The following CNP variants were observed in gnomAD, a reference collection of about 807,000 sequenced individuals.
CNP encodes 2',3'-cyclic nucleotide 3' phosphodiesterase, also known as 2',3'-cyclic-nucleotide 3'-phosphodiesterase.
CNP carries 8 observed loss-of-function variants against 37.9 expected under a neutral mutation model. The ratio of observed to expected loss-of-function variants is 0.21; its 90% CI spans 0.12 to 0.38. The LOEUF is 0.38. Ranked by LOEUF, CNP falls within the 10% of genes least tolerant of loss-of-function variation. The pLI, the probability that CNP is intolerant of heterozygous loss-of-function variation, is 1.00. For missense variants in CNP, 457 were observed against 551.0 expected, an observed-to-expected ratio of 0.83 and a Z score of 1.71; for synonymous variants, 237 against 238.3, an observed-to-expected ratio of 0.99 and a Z score of 0.05.
At chr17:41,969,402 T>C (rs1186651699) in intron 2 of CNP, among the ~76,000 whole-genome samples, 6 of 152,184 alleles carry the variant, frequency 3.9e-5, no homozygotes, top group African/African-American at 1.2e-4. Flanking sequence ...CTGGCCACTC[T>C]AGCAGGGTTC....
chr17:41,967,975 G>A (rs1000096123), intron 1 of CNP, 93 bp from the exon 2 acceptor site: 3 of 1,523,462 alleles, frequency 2.0e-6, no homozygotes, highest in African/African-American at 1.4e-5. Flanking sequence ...CCCCGCTTGG[G>A]AAGGCACCCA....
At chr17:41,970,898 C>G (rs183712205) in intron 2 of CNP, 15 of 152,222 alleles carry the variant, frequency 9.9e-5, no homozygotes, top group African/African-American at 3.1e-4. Context: ...AGATACTCCA[C>G]TCCTCTTTGT....
intron 2 of CNP, chr17:41,970,938 A>G (rs2050977938): frequency 6.6e-6 from 1 of 152,222 alleles, no homozygotes; most frequent in African/African-American, 2.4e-5. Flanking sequence ...TCACCCCATT[A>G]TAGTCCAAGA....
chr17:41,968,813 G>A lies in CNP; in HGVS notation c.676+73G>A. 1 of 1,459,106 alleles carries A rather than the reference G, an allele frequency of 6.9e-7. No homozygotes were observed. Among genetic ancestry groups the A allele is most frequent in the Admixed American group, 2.4e-5 (1 of 41,114 alleles). 90.4% of individuals were successfully genotyped at this position (1,459,106 alleles called of 1,614,324 possible). A position where few individuals can be genotyped will look rare whatever the true frequency, so the allele number is the denominator to read the frequency against. ...GTGCTGCGGGCAAAGGACCATCATT[G>A]TACTCAAAGGATGGAGCACGAAGCA... On this transcript the variant is annotated intron_variant, in intron 2 of 3. Transcript: ENST00000393892. The surrounding 1 kb of genome is among the most constrained non-coding windows in gnomAD (Gnocchi z 4.8).
chr17:41,971,397 CTTTTT>C (rs567987798), intron 2 of CNP: 4 of 139,038 alleles, frequency 2.9e-5, no homozygotes, highest in Admixed American at 7.3e-5. Flanking sequence ...AGAATTTTAA[CTTTTT>C]TTTTTTTTTT....
rs1167661737 is a variant in CNP, at chr17:41,976,552, G to C, written c.*2628G>C. 3.1e-6 allele frequency: 2 copies of C among 647,064 alleles called. No homozygotes were observed. The highest frequency in any genetic ancestry group is 4.9e-6 in the Non-Finnish European group (2 of 404,918). 40.1% of individuals were successfully genotyped at this position (647,064 alleles called of 1,614,324 possible). On this transcript the variant is annotated 3_prime_UTR_variant, in exon 4 of 4. Transcript: ENST00000393892. ...ACCCCCGCCTCCCTCCCCTGCCCTCGGTCTTCGGCATTGGTTCCCTTTGCT... is the reference window on the plus strand; with the variant it reads ...ACCCCCGCCTCCCTCCCCTGCCCTCCGTCTTCGGCATTGGTTCCCTTTGCT...
At chr17:41,967,796 C>T (rs939844712) in intron 1 of CNP, 75 of 1,276,664 alleles carry the variant, frequency 5.9e-5, no homozygotes, top group African/African-American at 3.9e-4. Flanking sequence ...CCCAGAACCG[C>T]AGGCTCCTGG....
chr17:41,966,826 C>A lies in CNP; in HGVS notation c.-59C>A. The A allele has an allele frequency of 7.3e-7, 1 of 1,376,778 alleles. No homozygotes were observed. Among genetic ancestry groups the A allele is most frequent in the Non-Finnish European group, 9.4e-7 (1 of 1,066,604 alleles). The allele number at this position is 1,376,778 out of a possible 1,614,324, so 85.3% of individuals were successfully genotyped here. A position where few individuals can be genotyped will look rare whatever the true frequency, so the allele number is the denominator to read the frequency against. ...GGACTCCCGTGTCCCTCCGCGCAGG[C>A]GGGCGGCCCCGGAGCGCTGGTGCCG... On this transcript the variant is annotated 5_prime_UTR_variant, in exon 1 of 4. Coordinates refer to ENST00000393892, the MANE Select transcript of CNP (RefSeq NM_033133.5).
chr17:41,973,362 C>G, intron 3 of CNP, 113 bp from the exon 4 acceptor site: 1 of 1,010,426 alleles, frequency 9.9e-7, no homozygotes, highest in Non-Finnish European at 1.5e-6. Context: ...CTCAGCTGTG[C>G]TCACTTCTGT....
At chr17:41,972,831 CTG>C (rs1441348736) in intron 3 of CNP, among the ~76,000 whole-genome samples, 2 of 152,234 alleles carry the variant, frequency 1.3e-5, no homozygotes, top group African/African-American at 4.8e-5. Flanking sequence ...ATGCCAGACA[CTG>C]TTGGGACAAG....
rs1228047279 is a variant in CNP, at chr17:41,976,573, T to G, written c.*2649T>G. 4 of 897,276 alleles carry G rather than the reference T, an allele frequency of 4.5e-6. No homozygotes were observed. Among genetic ancestry groups the G allele is most frequent in the Non-Finnish European group, 6.6e-6 (4 of 608,696 alleles). 55.6% of individuals were successfully genotyped at this position (897,276 alleles called of 1,614,324 possible). On this transcript the variant is annotated 3_prime_UTR_variant, in exon 4 of 4. Transcript: ENST00000393892. ...CCTCGGTCTTCGGCATTGGTTCCCTTTGCTCCACCCCACTCACAGAGACAC... is the reference window on the plus strand; with the variant it reads ...CCTCGGTCTTCGGCATTGGTTCCCTGTGCTCCACCCCACTCACAGAGACAC...
chr17:41,971,542 C>T (rs1383002710), intron 2 of CNP: 8 of 184,970 alleles, frequency 4.3e-5, no homozygotes, highest in African/African-American at 9.5e-5. Context: ...GGATTACAGG[C>T]GCCCGCCACC....
At position 41,976,547 on chromosome 17, in the gene CNP, C is replaced by T. The variant is rs2051084098; in HGVS notation, c.*2623C>T. 1.5e-6 allele frequency: 1 copy of T among 655,916 alleles called. No individual in the cohort carries two copies. The highest frequency in any genetic ancestry group is 3.3e-5 in the East Asian group (1 of 30,076). 40.6% of individuals were successfully genotyped at this position (655,916 alleles called of 1,614,324 possible). On this transcript the variant is annotated 3_prime_UTR_variant, in exon 4 of 4. Coordinates refer to ENST00000393892, the MANE Select transcript of CNP (RefSeq NM_033133.5). ...TGTCCACCCCCGCCTCCCTCCCCTGCCCTCGGTCTTCGGCATTGGTTCCCT... is the reference window on the plus strand; with the variant it reads ...TGTCCACCCCCGCCTCCCTCCCCTGTCCTCGGTCTTCGGCATTGGTTCCCT...
intron 1 of CNP, chr17:41,967,705 T>C (rs2050922499): frequency 1.9e-6 from 2 of 1,052,772 alleles, no homozygotes; most frequent in African/African-American, 3.3e-5. Flanking sequence ...GTGGCAGCTG[T>C]GGCTTGGCCC....
chr17:41,973,889 A>G lies in CNP; in HGVS notation c.1231A>G (p.Lys411Glu). 1.3e-6 allele frequency: 2 copies of G among 1,563,380 alleles called. No individual in the cohort carries two copies. Among genetic ancestry groups the G allele is most frequent in the East Asian group, 2.3e-5 (1 of 44,396 alleles). The stretch of plus-strand genomic sequence containing the variant: ...ACCTGTGCCCACGCAAGGTAGCCGG[A>G]AGGGGGGCGCCTTGCAGTCCTGCAC... ...GKPVPTQGSR[K>E]GGALQSCTII The change falls in exon 4 of 4, where the codon AAG becomes GAG. Residue 411 changes from lysine to glutamate, a missense_variant. By Grantham distance (56) the Lys-to-Glu change is moderately conservative (BLOSUM62 1). Around this residue, in one of 2 missense-constraint regions of CNP, gnomAD observed 291 missense variants for 291.7 expected, o/e 1.00. Transcript: ENST00000393892.
rs78984318 is a variant in CNP, at chr17:41,974,004, A to G, written c.*80A>G. On this transcript the variant is annotated 3_prime_UTR_variant, in exon 4 of 4. Coordinates refer to ENST00000393892, the MANE Select transcript of CNP (RefSeq NM_033133.5). Reference sequence around the variant, plus strand: ...CTCTGTTTGATCCTTGTTTTGTGACATTTTTTTTTTTTTTTTTTTTACTCA... The same window carrying G: ...CTCTGTTTGATCCTTGTTTTGTGACGTTTTTTTTTTTTTTTTTTTTACTCA... 1.2e-6 allele frequency: 1 copy of G among 838,222 alleles called. No individual in the cohort carries two copies. The highest frequency in any genetic ancestry group is 4.3e-5 in the South Asian group (1 of 23,180). 51.9% of individuals were successfully genotyped at this position (838,222 alleles called of 1,614,324 possible).
chr17:41,975,740 A>C lies in CNP; in HGVS notation c.*1816A>C, dbSNP rs1181540135. 1.3e-5 allele frequency: 2 copies of C among 152,130 alleles called. No individual in the cohort carries two copies. Among genetic ancestry groups the C allele is most frequent in the Non-Finnish European group, 2.9e-5 (2 of 68,034 alleles). 9.4% of individuals were successfully genotyped at this position (152,130 alleles called of 1,614,324 possible). On this transcript the variant is annotated 3_prime_UTR_variant, in exon 4 of 4. Coordinates refer to ENST00000393892, the MANE Select transcript of CNP (RefSeq NM_033133.5). ...AGGAGCTCAGATGAAGAGAAATCCTAAGTTACCTTTCTAGGTCAAGGCCTG... is the reference window on the plus strand; with the variant it reads ...AGGAGCTCAGATGAAGAGAAATCCTCAGTTACCTTTCTAGGTCAAGGCCTG...
rs1555643316 is a variant in CNP, at chr17:41,968,670, C to A, written c.606C>A (p.Leu202=). 3 of 1,614,132 alleles carry A rather than the reference C, an allele frequency of 1.9e-6. No individual in the cohort carries two copies. The South Asian group carries it at 3.3e-5, about 18-fold the overall frequency. Residue 202 remains leucine (L), a synonymous_variant, in exon 2 of 4, where the codon CTC becomes CTA. Transcript: ENST00000393892. The surrounding 1 kb of genome is among the most constrained non-coding windows in gnomAD (Gnocchi z 4.8). ...TGACCAAGAAGAGCTCTGAGACCCT[C>A]CGCAAAGCCGGCCAGGTCTTCCTGG... The part of the protein sequence containing the change: ...WFLTKKSSET[L]RKAGQVFLEE...
Position 41,971,882 on chromosome 17 carries a change from C to T in CNP, c.677-10C>T. 6.2e-7 allele frequency: 1 copy of T among 1,613,736 alleles called. No individual in the cohort carries two copies. The highest frequency in any genetic ancestry group is 8.5e-7 in the Non-Finnish European group (1 of 1,179,874). On this transcript the variant is annotated splice_polypyrimidine_tract_variant and intron_variant, in intron 2 of 3. Coordinates refer to ENST00000393892, the MANE Select transcript of CNP (RefSeq NM_033133.5). Reference sequence around the variant, plus strand: ...CCCCTGCCCTGACTGCACCCGTTTTCTCCCGGCAGTCGTCCCTGGGGATGA... The same window carrying T: ...CCCCTGCCCTGACTGCACCCGTTTTTTCCCGGCAGTCGTCCCTGGGGATGA...
Sources: gnomAD v4.1 joint callset for allele counts (sites outside exome capture counted in the v4.1 genomes callset) on GRCh38, gnomAD v4.1.1 for gene constraint, gnomAD v4.1.1 regional missense constraint, Gnocchi (gnomAD v3.1) non-coding constraint, MANE v1.5 for transcripts, NCBI Gene and HGNC (gene_info 2026-07-23, HGNC 2026-07-21) for gene names.